The following ZC3H7B variants were observed in gnomAD, a reference collection of about 807,000 sequenced individuals.
The protein encoded by ZC3H7B is zinc finger CCCH-type containing 7B.
ZC3H7B carries 35 observed loss-of-function variants against 116.0 expected under a neutral mutation model. The ratio of observed to expected loss-of-function variants is 0.30; its 90% confidence interval spans 0.23 to 0.40. The LOEUF (loss-of-function observed/expected upper bound fraction) is 0.40. ZC3H7B is among the 10% of genes least tolerant of loss of function. The pLI is 1.00. For synonymous variants in ZC3H7B, 502 were observed against 545.6 expected (o/e 0.92, Z 1.11); for missense variants, 1,011 against 1,321.5 (o/e 0.77, Z 3.64).
intron 13 of ZC3H7B, among the ~76,000 whole-genome samples, 153 bp downstream of exon 13, chr22:41,343,729 G>C (rs112233117): frequency 6.6e-6 from 1 of 152,226 alleles, no homozygotes; most frequent in Admixed American, 6.5e-5. Flanking sequence ...CCTGGGGCCC[G>C]TGCAGGATGA....
At chr22:41,356,948 G>T (rs943041463) in intron 22 of ZC3H7B, 140 bp downstream of exon 22, 111 of 1,355,364 alleles carry the variant, frequency 8.2e-5, no homozygotes, top group Non-Finnish European at 1.0e-4. Context: ...CCATGGGGGT[G>T]GTGGGGAAGG....
rs1028319598 is a variant in ZC3H7B at position 41,338,775 on chromosome 22, G to A, written c.626-226G>A. On this transcript the variant is annotated intron_variant, in intron 8 of 22. Transcript: ENST00000352645. This position sits in a 1 kb window ranked among gnomAD's most constrained non-coding sequence, Gnocchi z 4.5. ...ATTTAGGCATTGAGCCTGGGCCAAG[G>A]ATTGACATCATAGGACTGAGGGCCC... is the stretch of plus-strand genomic sequence containing the variant. Among the ~76,000 whole-genome samples the A allele has an allele frequency of 1.3e-5, 2 of 152,184 alleles. No individual in the cohort carries two copies. Among genetic ancestry groups the A allele is most frequent in the African/African-American group, 4.8e-5 (2 of 41,442 alleles).
intron 1 of ZC3H7B, among the ~76,000 whole-genome samples, chr22:41,311,863 A>G (rs1392970079): frequency 2.6e-5 from 4 of 152,122 alleles, no homozygotes; most frequent in Non-Finnish European, 4.4e-5. Flanking sequence ...TTGTTCCTCA[A>G]CCATGCATGG....
intron 1 of ZC3H7B, among the ~76,000 whole-genome samples, chr22:41,309,273 G>C (rs2036088302): frequency 6.7e-6 from 1 of 150,188 alleles, no homozygotes; most frequent in Admixed American, 6.6e-5. Context: ...GCCTCCCAAA[G>C]TGCTGGGATT....
intron 2 of ZC3H7B, among the ~76,000 whole-genome samples, chr22:41,321,985 G>A (rs915343178): frequency 3.4e-5 from 5 of 148,126 alleles, no homozygotes; most frequent in South Asian, 2.1e-4. Context: ...GACTACAGGC[G>A]CCCGCCACTA....
Position 41,356,378 on chromosome 22 carries a change from A to G in ZC3H7B, c.2419A>G (p.Lys807Glu). The G allele has an allele frequency of 6.2e-7, 1 of 1,614,138 alleles. No individual in the cohort carries two copies. ...GCAGCAGACCTATGACATGTGGCTGAAAAAACACAACCCAGGAAAGCCTGG... is the reference window on the plus strand; with the variant it reads ...GCAGCAGACCTATGACATGTGGCTGGAAAAACACAACCCAGGAAAGCCTGG... ...DMQQTYDMWL[K>E]KHNPGKPGEG... Residue 807 changes from lysine to glutamate, a missense_variant, in exon 21 of 23, where the codon AAA becomes GAA. By Grantham distance (56) the Lys-to-Glu change is moderately conservative. Around this residue, in one of 5 missense-constraint regions of ZC3H7B, gnomAD observed 406 missense variants for 590.2 expected, o/e 0.69. Coordinates refer to ENST00000352645, the MANE Select transcript of ZC3H7B (RefSeq NM_017590.6).
chr22:41,332,428 G>T (rs532875298), intron 7 of ZC3H7B: 4 of 613,550 alleles, frequency 6.5e-6, no homozygotes, highest in South Asian at 2.0e-5. Flanking sequence ...CCGGGGAGCC[G>T]CCGGGGGCAG....
At chr22:41,325,945 C>T (rs200250336) in intron 4 of ZC3H7B, 27 bp downstream of exon 4, 5 of 1,577,428 alleles carry the variant, frequency 3.2e-6, no homozygotes, top group Non-Finnish European at 4.3e-6. Context: ...CTTTTCTCTC[C>T]TCCTCTGCTG....
intron 1 of ZC3H7B, 73 bp from the exon 2 acceptor site, chr22:41,320,582 C>T (rs1301426633): frequency 6.4e-7 from 1 of 1,553,126 alleles, no homozygotes; most frequent in Non-Finnish European, 8.9e-7. Flanking sequence ...AATCACAGGA[C>T]CCACGAAGTG....
chr22:41,309,623 CT>C (rs1158549322), intron 1 of ZC3H7B, among the ~76,000 whole-genome samples: 2 of 152,148 alleles, frequency 1.3e-5, no homozygotes, highest in African/African-American at 4.8e-5. Context: ...CCCTAATGTA[CT>C]TTCCATCACT....
rs1287153679 is a variant in ZC3H7B at position 41,346,753 on chromosome 22, T to C, written c.1665+545T>C. ...ATCACTTGAACTGGGGAGGCAAAGG[T>C]TGCAGTGAGCCGAGATCGCGCAACT... On this transcript the variant is annotated intron_variant, in intron 14 of 22. Coordinates refer to ENST00000352645, the MANE Select transcript of ZC3H7B (RefSeq NM_017590.6). This position sits in a 1 kb window ranked among gnomAD's most constrained non-coding sequence, Gnocchi z 5.3. 6.6e-6 allele frequency among the ~76,000 whole-genome samples: 1 copy of C among 152,018 alleles called. No homozygotes were observed. Among genetic ancestry groups the C allele is most frequent in the South Asian group, 2.1e-4 (1 of 4,816 alleles).
In ZC3H7B at chr22:41,301,560, C is replaced by G. The variant is rs1223718691; in HGVS notation, c.-219C>G. 1 of 152,296 alleles carries G rather than the reference C, an allele frequency of 6.6e-6. No individual in the cohort carries two copies. Among genetic ancestry groups the G allele is most frequent in the South Asian group, 2.1e-4 (1 of 4,824 alleles). The allele number at this position is 152,296 out of a possible 1,614,324, so 9.4% of individuals were successfully genotyped here. ...CTCCAGCGGGTGCTGCCGCGAGCGG[C>G]CAGCCGAGGGGCTGGAAATGAAAGT... On this transcript the variant is annotated 5_prime_UTR_variant, in exon 1 of 23. Coordinates refer to ENST00000352645, the MANE Select transcript of ZC3H7B (RefSeq NM_017590.6).
chr22:41,327,362 C>G lies in ZC3H7B; in HGVS notation c.442C>G (p.His148Asp). The change falls in exon 5 of 23, where the codon CAC (histidine) becomes GAC (aspartate). Residue 148 changes from histidine (H) to aspartate (D), a missense_variant and splice_region_variant. By Grantham distance (81) the His-to-Asp change is moderately conservative (BLOSUM62 -1). This residue lies in a region of ZC3H7B where 322 missense variants were observed against 443.9 expected (regional missense o/e 0.73). Coordinates refer to ENST00000352645, the MANE Select transcript of ZC3H7B (RefSeq NM_017590.6). This position sits in a 1 kb window ranked among gnomAD's most constrained non-coding sequence, Gnocchi z 4.5. The part of the protein sequence containing the change: ...CSSRCSLALP[H>D]DESVTQLGQE... ...CAGCCGGTGTTCCCTCGCCCTGCCC[C>G]ACGTGAGTGTGGCTCTGCAGCCACG... 6.2e-7 allele frequency: 1 copy of G among 1,610,300 alleles called. No individual in the cohort carries two copies. The highest frequency in any genetic ancestry group is 2.2e-5 in the East Asian group (1 of 44,880).
At chr22:41,309,920 T>G (rs1196381595) in intron 1 of ZC3H7B, among the ~76,000 whole-genome samples, 1 of 151,870 alleles carries the variant, frequency 6.6e-6, no homozygotes, top group Non-Finnish European at 1.5e-5. Context: ...AAATCAACAT[T>G]GATGGCTGAG....
chr22:41,354,654 C>T (rs2036690477), intron 17 of ZC3H7B, among the ~76,000 whole-genome samples: 1 of 152,190 alleles, frequency 6.6e-6, no homozygotes, highest in Admixed American at 6.5e-5. Flanking sequence ...ATTCACAGAA[C>T]AGCAGGCTGG....
rs1453851376 is a variant in ZC3H7B, at chr22:41,351,658, T to C, written c.2034+12T>C. On this transcript the variant is annotated intron_variant, in intron 17 of 22. Transcript: ENST00000352645. This position sits in a 1 kb window ranked among gnomAD's most constrained non-coding sequence, Gnocchi z 5.1. ...CCAGCAGCAGCATGGTAAGGCCTTC[T>C]GATACTATGCCATTATTCAGATTTT... 2.5e-6 allele frequency: 4 copies of C among 1,611,588 alleles called. No individual in the cohort carries two copies. The African/African-American group carries it at 5.3e-5, about 22-fold the overall frequency.
chr22:41,318,466 G>A (rs921859162), intron 1 of ZC3H7B, among the ~76,000 whole-genome samples: 4 of 147,862 alleles, frequency 2.7e-5, no homozygotes, highest in African/African-American at 5.0e-5. Flanking sequence ...GAGGCGGAGC[G>A]TGCAGTGAGC....
chr22:41,334,711 G>A (rs1006654049), intron 7 of ZC3H7B: 11 of 152,326 alleles, frequency 7.2e-5, no homozygotes, highest in African/African-American at 2.7e-4. Context: ...CCCAGCCAGA[G>A]CCCCTGGCCT....
At position 41,357,110 on chromosome 22, in the gene ZC3H7B, C is replaced by G. The variant is rs993467716; in HGVS notation, c.2682-67C>G. On this transcript the variant is annotated intron_variant, in intron 22 of 22. Transcript: ENST00000352645. The surrounding 1 kb of genome is among the most constrained non-coding windows in gnomAD (Gnocchi z 5.4). Reference sequence around the variant, plus strand: ...GTCTTCGGGGAGGTCAAGCGGCCGGCCCCAGATGGACAGCCTGGGGTGGGA... The same window carrying G: ...GTCTTCGGGGAGGTCAAGCGGCCGGGCCCAGATGGACAGCCTGGGGTGGGA... 35 of 1,581,212 alleles carry G rather than the reference C, an allele frequency of 2.2e-5. No homozygotes were observed. Among genetic ancestry groups the G allele is most frequent in the Non-Finnish European group, 1.3e-5 (15 of 1,166,722 alleles).
Sources: gnomAD v4.1 joint callset for allele counts (sites outside exome capture counted in the v4.1 genomes callset) on GRCh38, gnomAD v4.1.1 for gene constraint, gnomAD v4.1.1 regional missense constraint, Gnocchi (gnomAD v3.1) non-coding constraint, MANE v1.5 for transcripts, NCBI Gene and HGNC (gene_info 2026-07-23, HGNC 2026-07-21) for gene names.